ABTB2: variants seen among roughly 807,000 people sequenced by gnomAD.
The protein encoded by ABTB2 is ankyrin repeat and BTB domain containing 2.
In ABTB2, 56 loss-of-function variants were observed where a neutral mutation model predicts 104.1. That is an observed-to-expected ratio of 0.54 (90% CI 0.43 to 0.67). The LOEUF is 0.67. ABTB2 is among the 30% of genes least tolerant of loss of function. ABTB2 has a pLI of 0.00. For synonymous variants in ABTB2, 606 were observed against 608.2 expected (o/e 1.00, Z 0.05); for missense variants, 1,279 against 1,407.7 (o/e 0.91, Z 1.46).
Position 34,168,018 on chromosome 11 carries a change from A to G in ABTB2, c.1564-26T>C, listed in dbSNP as rs548422189. Reference sequence around the variant, plus strand: ...CTGAGCAAATCAAATGCACGTGCTAAACTGTTTGCAAACAGAACACAACAC... The same window carrying G: ...CTGAGCAAATCAAATGCACGTGCTAGACTGTTTGCAAACAGAACACAACAC... On this transcript the variant is annotated intron_variant, in intron 5 of 16. Coordinates refer to ENST00000435224, the MANE Select transcript of ABTB2 (RefSeq NM_145804.3). 6.0e-4 allele frequency: 962 copies of G among 1,606,930 alleles called. 3 individuals carry two copies. Among genetic ancestry groups the G allele is most frequent in the Non-Finnish European group, 7.1e-4 (829 of 1,175,732 alleles).
intron 1 of ABTB2, among the ~76,000 whole-genome samples, chr11:34,294,102 C>T (rs891710529): frequency 2.6e-5 from 4 of 152,274 alleles, no homozygotes; most frequent in African/African-American, 9.6e-5. Flanking sequence ...GAGGCAAAGG[C>T]AGGCAGATCC....
intron 1 of ABTB2, among the ~76,000 whole-genome samples, chr11:34,221,545 T>A (rs577992284): frequency 0.017 from 2,623 of 152,278 alleles, 77 homozygotes; most frequent in African/African-American, 0.061. Context: ...CCTGGCTGGC[T>A]GTGCCTGTGT....
chr11:34,297,570 T>C (rs905162901), intron 1 of ABTB2, among the ~76,000 whole-genome samples: 1 of 151,918 alleles, frequency 6.6e-6, no homozygotes, highest in Non-Finnish European at 1.5e-5. Context: ...GGTGGGTGGA[T>C]CACCTGAGGT....
At chr11:34,277,806 T>C (rs1360033891) in intron 1 of ABTB2, among the ~76,000 whole-genome samples, 5 of 146,178 alleles carry the variant, frequency 3.4e-5, no homozygotes, top group Non-Finnish European at 1.5e-5. Flanking sequence ...TCTCTTTTTT[T>C]TTTTTTTTTT....
chr11:34,191,369 C>T (rs1015012929), intron 3 of ABTB2, among the ~76,000 whole-genome samples: 1 of 152,216 alleles, frequency 6.6e-6, no homozygotes, highest in Non-Finnish European at 1.5e-5. Context: ...TCTGTCTAGC[C>T]TGATACGGAA....
chr11:34,301,012 TTAA>T (rs1336135574), intron 1 of ABTB2, among the ~76,000 whole-genome samples: 1 of 152,220 alleles, frequency 6.6e-6, no homozygotes, highest in African/African-American at 2.4e-5. Flanking sequence ...ATCTTTGCCA[TTAA>T]TGAGGAGGCT....
chr11:34,339,596 T>G (rs1325875293), intron 1 of ABTB2, among the ~76,000 whole-genome samples: 1 of 152,100 alleles, frequency 6.6e-6, no homozygotes, highest in Admixed American at 6.5e-5. Flanking sequence ...CCTGGCCTTG[T>G]GTCCTTCCTG....
At chr11:34,268,840 G>C (rs1854279133) in intron 1 of ABTB2, among the ~76,000 whole-genome samples, 1 of 152,170 alleles carries the variant, frequency 6.6e-6, no homozygotes, top group South Asian at 2.1e-4. Context: ...GCCTCACCCT[G>C]TATTCAGATG....
rs1374135813 is a variant in ABTB2 at position 34,170,961 on chromosome 11, A to T, written c.1508T>A (p.Ile503Asn). ...RMLNCGRTDL[I>N]NQAIEALGPD... ...ACCCAAGGCCTCGATGGCTTGGTTGATGAGGTCCGTCCTCCCACAGTTGAG... is the reference window on the plus strand; with the variant it reads ...ACCCAAGGCCTCGATGGCTTGGTTGTTGAGGTCCGTCCTCCCACAGTTGAG... Residue 503 changes from isoleucine to asparagine, a missense_variant, in exon 5 of 17, where the codon ATC becomes AAC. By Grantham distance (149) the Ile-to-Asn change is moderately radical (BLOSUM62 -3). Transcript: ENST00000435224. The T allele has an allele frequency of 6.2e-7, 1 of 1,614,142 alleles. No individual in the cohort carries two copies. The highest frequency in any genetic ancestry group is 8.5e-7 in the Non-Finnish European group (1 of 1,180,038).
rs1391540471 is a variant in ABTB2 at position 34,159,296 on chromosome 11, C to T, written c.2697G>A (p.Gln899=). The T allele has an allele frequency of 6.2e-7, 1 of 1,613,104 alleles. No individual in the cohort carries two copies. ...EISDMKYHIF[Q]MMMQYLYYGG... is the part of the protein sequence containing the mutation. ...GAGGGCGGCACCAAGACCCACACAC[C>T]TGAAAAATGTGGTACTTCATGTCGC... The change falls in exon 14 of 17, where the codon CAG becomes CAA. Residue 899 remains glutamine (Q), a splice_region_variant and synonymous_variant. Transcript: ENST00000435224.
intron 1 of ABTB2, among the ~76,000 whole-genome samples, chr11:34,332,339 C>T (rs1855141432): frequency 1.3e-5 from 2 of 152,136 alleles, no homozygotes; most frequent in Admixed American, 6.5e-5. Flanking sequence ...CCCTTCTCCT[C>T]CATGAAGACC....
Position 34,159,860 on chromosome 11 carries a change from G to A in ABTB2, c.2606+46C>T, listed in dbSNP as rs562357557. On this transcript the variant is annotated intron_variant, in intron 13 of 16. Coordinates refer to ENST00000435224, the MANE Select transcript of ABTB2 (RefSeq NM_145804.3). ...TGTCACCTGGAATCTGAAACAAGGTGCTTCTGTGCCCCTGGGCTGGGAGTT... is the reference window on the plus strand; with the variant it reads ...TGTCACCTGGAATCTGAAACAAGGTACTTCTGTGCCCCTGGGCTGGGAGTT... The A allele has an allele frequency of 5.1e-5, 74 of 1,463,346 alleles. No homozygotes were observed. The African/African-American group carries it at 9.9e-4, about 20-fold the overall frequency. 90.6% of individuals were successfully genotyped at this position (1,463,346 alleles called of 1,614,324 possible). A position where few individuals can be genotyped will look rare whatever the true frequency, so the allele number is the denominator to read the frequency against.
intron 1 of ABTB2, among the ~76,000 whole-genome samples, chr11:34,246,847 CT>C (rs199831054): frequency 0.5 from 59,007 of 117,886 alleles, 12,653 homozygotes; most frequent in Middle Eastern, 0.58. Context: ...TTTCTTTTTT[CT>C]TTTTTTTTTT....
chr11:34,242,903 CT>C (rs770478793), intron 1 of ABTB2, among the ~76,000 whole-genome samples: 8 of 152,162 alleles, frequency 5.3e-5, no homozygotes, highest in Admixed American at 1.3e-4. Context: ...CCAGTCACAG[CT>C]AGGCGGGAGG....
At chr11:34,326,303 T>C (rs901013409) in intron 1 of ABTB2, among the ~76,000 whole-genome samples, 2 of 152,082 alleles carry the variant, frequency 1.3e-5, no homozygotes, top group African/African-American at 4.8e-5. Flanking sequence ...TCAAAACACA[T>C]AATAGATACA....
chr11:34,218,721 C>G (rs567751715), intron 1 of ABTB2, among the ~76,000 whole-genome samples: 1 of 151,752 alleles, frequency 6.6e-6, no homozygotes, highest in African/African-American at 2.4e-5. Flanking sequence ...TGGTGGTGCA[C>G]GCCTGTAATC....
chr11:34,188,859 A>G (rs1161167858), intron 3 of ABTB2, among the ~76,000 whole-genome samples: 1 of 152,156 alleles, frequency 6.6e-6, no homozygotes, highest in Non-Finnish European at 1.5e-5. Context: ...TGAGGGAAAC[A>G]TTCTCCCTGC....
At chr11:34,195,085 GAGT>G (rs1283994475) in intron 3 of ABTB2, among the ~76,000 whole-genome samples, 64 of 77,644 alleles carry the variant, frequency 8.2e-4, no homozygotes, top group African/African-American at 1.4e-3. Flanking sequence ...CGGGGGGGGG[GAGT>G]GGGGGCGGGA....
intron 3 of ABTB2, among the ~76,000 whole-genome samples, chr11:34,187,929 T>G (rs1001129386): frequency 3.3e-5 from 5 of 152,214 alleles, no homozygotes; most frequent in African/African-American, 1.2e-4. Context: ...TACAAATGTT[T>G]CTGGATTGCT....
Sources: allele counts gnomAD v4.1 joint callset (sites outside exome capture counted in the v4.1 genomes callset), GRCh38; gene constraint gnomAD v4.1.1; transcripts MANE v1.5; gene names NCBI Gene and HGNC (gene_info 2026-07-23, HGNC 2026-07-21).